The following CSMD1 variants were observed in gnomAD, a reference collection of about 807,000 sequenced individuals.
CSMD1 encodes the protein CUB and sushi domain-containing protein 1.
Under a neutral mutation model 417.5 loss-of-function variants are expected in CSMD1, and 213 were observed. The ratio of observed to expected loss-of-function variants is 0.51; its 90% CI spans 0.46 to 0.57. CSMD1 has a LOEUF of 0.57. Ranked by LOEUF, CSMD1 falls within the 20% of genes least tolerant of loss-of-function variation. CSMD1 has a pLI of 0.00. For synonymous variants in CSMD1, 2,862 were observed against 1,736.8 expected, an observed-to-expected ratio of 1.65 and a Z score of -16.11; for missense variants, 6,923 against 4,529.7, an observed-to-expected ratio of 1.53 and a Z score of -15.17.
At chr8:4,737,331 T>G (rs1443217691) in intron 1 of CSMD1, among the ~76,000 whole-genome samples, 1 of 151,886 alleles carries the variant, frequency 6.6e-6, no homozygotes, top group East Asian at 1.9e-4. Context: ...CCTGGGATCT[T>G]TCAAAGGGTG....
At chr8:4,278,132 C>T (rs1182844780) in intron 3 of CSMD1, among the ~76,000 whole-genome samples, 2 of 152,206 alleles carry the variant, frequency 1.3e-5, no homozygotes, top group Non-Finnish European at 1.5e-5. Context: ...GCTCATATAA[C>T]TTCCACCAAA....
intron 6 of CSMD1, among the ~76,000 whole-genome samples, chr8:3,710,331 C>A (rs1467308789): frequency 6.6e-6 from 1 of 152,136 alleles, no homozygotes; most frequent in East Asian, 1.9e-4. Flanking sequence ...CACATACCCA[C>A]GACCAACTGG....
rs1251328532 is a variant in CSMD1 at position 3,642,236 on chromosome 8, C to T, written c.1010-25439G>A. 2.0e-5 allele frequency among the ~76,000 whole-genome samples: 3 copies of T among 151,230 alleles called. No individual in the cohort carries two copies. In the South Asian group the frequency reaches 6.3e-4, roughly 32 times the overall value. On this transcript the variant is annotated intron_variant, in intron 7 of 69. Coordinates refer to ENST00000635120, the MANE Select transcript of CSMD1 (RefSeq NM_033225.6). ...AAAATATGTATTAAATGGTGAAACCCCCAAGAAGTCACATACACTCTTAAG... is the reference window on the plus strand; with the variant it reads ...AAAATATGTATTAAATGGTGAAACCTCCAAGAAGTCACATACACTCTTAAG...
intron 5 of CSMD1, among the ~76,000 whole-genome samples, chr8:3,877,428 C>T (rs765457586): frequency 1.3e-5 from 2 of 152,184 alleles, no homozygotes; most frequent in Non-Finnish European, 1.5e-5. Context: ...CGGAGTCTAG[C>T]GTTCCAGATG....
At chr8:4,516,121 G>A (rs997113748) in intron 2 of CSMD1, among the ~76,000 whole-genome samples, 1 of 152,112 alleles carries the variant, frequency 6.6e-6, no homozygotes, top group Non-Finnish European at 1.5e-5. Context: ...TCTTTAGAGA[G>A]TAATTAAGAT....
At chr8:4,187,517 G>A (rs563266014) in intron 3 of CSMD1, among the ~76,000 whole-genome samples, 2 of 152,162 alleles carry the variant, frequency 1.3e-5, no homozygotes, top group African/African-American at 4.8e-5. Context: ...GGTGGCACAT[G>A]CCTGTAATCC....
intron 2 of CSMD1, among the ~76,000 whole-genome samples, chr8:4,560,707 G>T (rs910722329): frequency 6.6e-6 from 1 of 152,088 alleles, no homozygotes; most frequent in South Asian, 2.1e-4. Flanking sequence ...TTTGTTAGTC[G>T]ACAACACTGT....
At chr8:4,514,037 C>T (rs1802974347) in intron 2 of CSMD1, among the ~76,000 whole-genome samples, 1 of 152,062 alleles carries the variant, frequency 6.6e-6, no homozygotes, top group African/African-American at 2.4e-5. Context: ...TAATGAAATA[C>T]CACAAACTAG....
At chr8:3,735,228 G>T (rs17326950) in intron 6 of CSMD1, among the ~76,000 whole-genome samples, 39,131 of 152,076 alleles carry the variant, frequency 0.26, 5,814 homozygotes, top group South Asian at 0.38. Flanking sequence ...ATGGCTTTCT[G>T]TCTGATTTGG....
intron 7 of CSMD1, among the ~76,000 whole-genome samples, chr8:3,700,202 C>G (rs878491): frequency 0.075 from 11,374 of 152,150 alleles, 1,393 homozygotes; most frequent in African/African-American, 0.26. Flanking sequence ...CAAATCACCA[C>G]TGAAGAGCTT....
chr8:4,806,661 GA>G (rs1221997835), intron 1 of CSMD1, among the ~76,000 whole-genome samples: 1 of 152,154 alleles, frequency 6.6e-6, no homozygotes, highest in Non-Finnish European at 1.5e-5. Context: ...ACAAAGAAAA[GA>G]AGCATTTGAA....
intron 5 of CSMD1, among the ~76,000 whole-genome samples, chr8:3,824,946 A>C (rs190196391): frequency 3.6e-4 from 55 of 151,430 alleles, no homozygotes; most frequent in African/African-American, 1.3e-3. Context: ...ACAATGATTA[A>C]TCTGATTTTT....
At chr8:4,328,565 C>G (rs1328647812) in intron 3 of CSMD1, among the ~76,000 whole-genome samples, 1 of 151,736 alleles carries the variant, frequency 6.6e-6, no homozygotes, top group African/African-American at 2.4e-5. Flanking sequence ...GTACCCACAA[C>G]AATTTAAAAA....
At chr8:3,763,028 T>G (rs564253487) in intron 5 of CSMD1, among the ~76,000 whole-genome samples, 3 of 152,310 alleles carry the variant, frequency 2.0e-5, no homozygotes, top group African/African-American at 7.2e-5. Context: ...GTATAGTTAT[T>G]TGCTTAATGT....
chr8:3,060,784 A>T (rs989130547), intron 49 of CSMD1, among the ~76,000 whole-genome samples: 2 of 152,186 alleles, frequency 1.3e-5, no homozygotes, highest in African/African-American at 4.8e-5. Context: ...TCAGGTCATG[A>T]GAGCTCTTTC....
At chr8:4,992,984 G>T (rs2117488210) in intron 1 of CSMD1, among the ~76,000 whole-genome samples, 1 of 152,298 alleles carries the variant, frequency 6.6e-6, no homozygotes, top group Non-Finnish European at 1.5e-5. Context: ...ACGCCCCGTG[G>T]AGGCAAGTGC....
chr8:4,048,360 A>G (rs1798256672), intron 3 of CSMD1, among the ~76,000 whole-genome samples: 1 of 152,220 alleles, frequency 6.6e-6, no homozygotes, highest in Non-Finnish European at 1.5e-5. Flanking sequence ...CATATTCTTA[A>G]TAACAACAGC....
chr8:3,992,318 G>C (rs911311855), intron 5 of CSMD1, among the ~76,000 whole-genome samples: 5 of 152,060 alleles, frequency 3.3e-5, no homozygotes, highest in African/African-American at 1.2e-4. Context: ...AGTTTACAAG[G>C]GGAACTCTGG....
At chr8:3,320,189 G>T (rs1806061063) in intron 23 of CSMD1, among the ~76,000 whole-genome samples, 1 of 152,290 alleles carries the variant, frequency 6.6e-6, no homozygotes, top group South Asian at 2.1e-4. Flanking sequence ...ACGATTATAA[G>T]AGTCCAACTA....
Sources: allele counts gnomAD v4.1 joint callset (sites outside exome capture counted in the v4.1 genomes callset), GRCh38; gene constraint gnomAD v4.1.1; transcripts MANE v1.5; gene names NCBI Gene and HGNC (gene_info 2026-07-23, HGNC 2026-07-21).